Variants in VEGFD observed in about 807,000 individuals in gnomAD.
The protein encoded by VEGFD is c-fos induced growth factor (vascular endothelial growth factor D).
Under a neutral mutation model 28.0 loss-of-function variants are expected in VEGFD, and 26 were observed. That is an observed-to-expected ratio of 0.93 (90% CI 0.68 to 1.29). The LOEUF (loss-of-function observed/expected upper bound fraction) is 1.29. Among genes scored for constraint, VEGFD ranks in the 50% most tolerant of loss-of-function variants. The pLI is 0.00. For missense variants in VEGFD, 294 were observed against 273.4 expected (o/e 1.08, Z -0.53); for synonymous variants, 93 against 95.5 (o/e 0.97, Z 0.15).
At chrX:15,362,996 C>T in intron 2 of VEGFD, 113 bp downstream of exon 2, 11 of 634,933 alleles carry the variant, frequency 1.7e-5, no homozygotes, top group South Asian at 3.0e-5. Context: ...CAAAGACCGA[C>T]TTTCATTCTC....
chrX:15,358,746 C>T (rs1461204389), intron 2 of VEGFD, among the ~76,000 whole-genome samples: 1 of 111,290 alleles, frequency 9.0e-6, no homozygotes, highest in African/African-American at 3.3e-5. Context: ...TTGCAAGTGC[C>T]CGATACTGAT....
intron 1 of VEGFD, among the ~76,000 whole-genome samples, chrX:15,381,820 G>A (rs1228806998): frequency 8.9e-6 from 1 of 111,890 alleles, no homozygotes; most frequent in Non-Finnish European, 1.9e-5. Flanking sequence ...GGGTAGGGTG[G>A]ATATAAGTTC....
At chrX:15,351,185 G>A (rs1326131884) in intron 5 of VEGFD, among the ~76,000 whole-genome samples, 2 of 91,719 alleles carry the variant, frequency 2.2e-5, no homozygotes, top group Non-Finnish European at 4.3e-5. Context: ...GCGGGATCTC[G>A]GCTCACTGCA....
chrX:15,374,861 G>A (rs1923398347), intron 1 of VEGFD, among the ~76,000 whole-genome samples: 1 of 109,006 alleles, frequency 9.2e-6, no homozygotes, highest in African/African-American at 3.4e-5. Context: ...CATTTATAAA[G>A]CAGCATTGTT....
At chrX:15,350,430 C>T (rs1447736974) in intron 5 of VEGFD, among the ~76,000 whole-genome samples, 1 of 112,799 alleles carries the variant, frequency 8.9e-6, no homozygotes, top group Non-Finnish European at 1.9e-5. Flanking sequence ...AAGGCTACAT[C>T]CCCTCTCCAA....
At chrX:15,367,986 A>AAAAGAAGAAAGAAAGAAAG (rs1923191807) in intron 1 of VEGFD, among the ~76,000 whole-genome samples, 3 of 66,634 alleles carry the variant, frequency 4.5e-5, no homozygotes, top group South Asian at 2.1e-3. Context: ...AAGAAAAAGA[A>AAAAGAAGAAAGAAAGAAAG]AAAGAAAGAA....
intron 1 of VEGFD, among the ~76,000 whole-genome samples, chrX:15,376,591 C>T (rs1569188247): frequency 9.0e-6 from 1 of 111,667 alleles, no homozygotes; most frequent in Non-Finnish European, 1.9e-5. Flanking sequence ...GCTATGCCAG[C>T]GGCAGTCAGC....
intron 1 of VEGFD, among the ~76,000 whole-genome samples, chrX:15,363,774 AC>A (rs1333424832): frequency 8.9e-6 from 1 of 112,226 alleles, no homozygotes; most frequent in Non-Finnish European, 1.9e-5. Flanking sequence ...AGACAGGGAC[AC>A]AGAGGAAGGT....
At chrX:15,368,038 GAAAGAAAGAAA>G (rs1444230278) in intron 1 of VEGFD, among the ~76,000 whole-genome samples, 13 of 78,491 alleles carry the variant, frequency 1.7e-4, no homozygotes, top group Admixed American at 1.5e-3. Context: ...AAGGAAAGAA[GAAAGAAAGAAA>G]GAAGAAAGAA....
intron 1 of VEGFD, among the ~76,000 whole-genome samples, chrX:15,366,085 C>T (rs1482811269): frequency 8.9e-6 from 1 of 111,812 alleles, no homozygotes; most frequent in Non-Finnish European, 1.9e-5. Context: ...CGGCTCACTG[C>T]AAGCTCCACC....
At position 15,346,217 on chromosome X, in the gene VEGFD, A is replaced by C. The variant is rs756559832; in HGVS notation, c.981T>G (p.Ser327Arg). Residue 327 changes from serine (S) to arginine (R), a missense_variant, in exon 7 of 7, where the codon AGT (serine) becomes AGG (arginine). Physicochemically the swap from Ser to Arg is moderately radical, Grantham distance 110. Transcript: ENST00000297904. Reference protein sequence around the residue: ...RCPFHTRPCASGKTACAKHCR... With the variant: ...RCPFHTRPCARGKTACAKHCR... ...AATGCTTTGCACATGCTGTTTTGCCACTTGCACATGGTCTGGTATGAAAGG... is the reference window on the plus strand; with the variant it reads ...AATGCTTTGCACATGCTGTTTTGCCCCTTGCACATGGTCTGGTATGAAAGG... 1.1e-5 allele frequency: 13 copies of C among 1,209,314 alleles called. No individual in the cohort carries two copies. The highest frequency in any genetic ancestry group is 1.5e-5 in the Non-Finnish European group (13 of 894,393).
intron 5 of VEGFD, among the ~76,000 whole-genome samples, chrX:15,349,896 G>A (rs1922646548): frequency 9.0e-6 from 1 of 111,294 alleles, no homozygotes; most frequent in South Asian, 3.8e-4. Flanking sequence ...ATCCACATTG[G>A]GGACTTATAG....
rs141907720 is a variant in VEGFD at position 15,347,299 on chromosome X, C to T, written c.803G>A (p.Arg268His). 1.5e-4 allele frequency: 182 copies of T among 1,209,523 alleles called. 1 individual carries two copies. The African/African-American group carries it at 2.3e-3, about 15-fold the overall frequency. ...TGGTGTTTTACAGACACACTCGCAA[C>T]GATCTTCGTCAAACATCATGTGTGG... Reference protein sequence around the residue: ...CGPHMMFDEDRCECVCKTPCP... With the variant: ...CGPHMMFDEDHCECVCKTPCP... Residue 268 changes from arginine (R) to histidine (H), a missense_variant, in exon 6 of 7, where the codon CGT becomes CAT. Physicochemically the swap from Arg to His is conservative, Grantham distance 29. Coordinates refer to ENST00000297904, the MANE Select transcript of VEGFD (RefSeq NM_004469.5).
intron 1 of VEGFD, among the ~76,000 whole-genome samples, chrX:15,365,454 C>T (rs1923123490): frequency 1.8e-5 from 2 of 112,054 alleles, no homozygotes; most frequent in South Asian, 7.3e-4. Context: ...TTCTTTAGAT[C>T]AAGAGCTGTC....
At chrX:15,368,029 AG>A (rs767972002) in intron 1 of VEGFD, among the ~76,000 whole-genome samples, 160 of 78,047 alleles carry the variant, frequency 2.1e-3, no homozygotes, top group South Asian at 3.3e-3. Flanking sequence ...AAAGAAAGAA[AG>A]GAAAGAAGAA....
At chrX:15,346,570 C>T (rs1270496629) in intron 6 of VEGFD, among the ~76,000 whole-genome samples, 2 of 112,316 alleles carry the variant, frequency 1.8e-5, no homozygotes, top group African/African-American at 6.5e-5. Flanking sequence ...ACCTCCCCTT[C>T]CTAAAATATT....
At chrX:15,376,979 A>G (rs1923454095) in intron 1 of VEGFD, among the ~76,000 whole-genome samples, 1 of 112,112 alleles carries the variant, frequency 8.9e-6, no homozygotes, top group African/African-American at 3.2e-5. Context: ...CCTAGATTTC[A>G]GGAAACCAAT....
intron 1 of VEGFD, among the ~76,000 whole-genome samples, chrX:15,380,420 A>C (rs976641451): frequency 8.9e-6 from 1 of 112,870 alleles, no homozygotes; most frequent in Non-Finnish European, 1.9e-5. Context: ...TCTTGGACTG[A>C]TTCTAGTCTT....
At chrX:15,348,462 A>G (rs758674307) in intron 5 of VEGFD, among the ~76,000 whole-genome samples, 1 of 112,330 alleles carries the variant, frequency 8.9e-6, no homozygotes, top group South Asian at 3.7e-4. Context: ...CACAATAAAA[A>G]CCAATTTTCC....
Sources: gnomAD v4.1 joint callset for allele counts (sites outside exome capture counted in the v4.1 genomes callset) on GRCh38, gnomAD v4.1.1 for gene constraint, MANE v1.5 for transcripts, NCBI Gene and HGNC (gene_info 2026-07-23, HGNC 2026-07-21) for gene names.